Variants in NBN observed in about 807,000 individuals in gnomAD.
The protein encoded by NBN is nibrin.
NBN carries 88 observed loss-of-function variants against 90.8 expected under a neutral mutation model. That is an observed-to-expected ratio of 0.97 (90% confidence interval 0.82 to 1.16). The LOEUF (loss-of-function observed/expected upper bound fraction) is 1.16, where lower values mean the gene tolerates loss of function less well. Ranked by LOEUF, NBN falls within the 50% of genes most tolerant of loss-of-function variation. The pLI, the probability that NBN is intolerant of heterozygous loss-of-function variation, is 0.00. For missense variants in NBN, 894 were observed against 869.6 expected (o/e 1.03, Z -0.35); for synonymous variants, 328 against 295.1 (o/e 1.11, Z -1.14).
rs887130871 is a variant in NBN at position 89,980,615 on chromosome 8, T to A, written c.480+119A>T. ...TACAAAGGGATGGAGTGGGTATATA[T>A]AAATCTACAACTAACAGTTCTGATA... On this transcript the variant is annotated intron_variant, in intron 4 of 15. Transcript: ENST00000265433. The A allele has an allele frequency of 4.9e-6, 4 of 823,256 alleles. No homozygotes were observed. In the East Asian group the frequency reaches 1.0e-4, roughly 21 times the overall value. 51.0% of individuals were successfully genotyped at this position (823,256 alleles called of 1,614,324 possible). A position where few individuals can be genotyped will look rare whatever the true frequency, so the allele number is the denominator to read the frequency against.
At chr8:89,947,489 C>T (rs1464616487) in intron 12 of NBN, among the ~76,000 whole-genome samples, 2 of 151,808 alleles carry the variant, frequency 1.3e-5, no homozygotes, top group Non-Finnish European at 2.9e-5. Flanking sequence ...ATTAGTCGGG[C>T]GTGGTGGCAC....
At chr8:89,964,023 A>C (rs1206278752) in intron 8 of NBN, among the ~76,000 whole-genome samples, 1 of 152,142 alleles carries the variant, frequency 6.6e-6, no homozygotes, top group Admixed American at 6.6e-5. Flanking sequence ...ACATGGCTCA[A>C]ATGTCACCTC....
rs540310964 is a variant in NBN at position 89,961,999 on chromosome 8, A to T, written c.994+2411T>A. 9.2e-5 allele frequency among the ~76,000 whole-genome samples: 14 copies of T among 152,312 alleles called. No homozygotes were observed. The South Asian group carries it at 2.9e-3, about 32-fold the overall frequency. On this transcript the variant is annotated intron_variant, in intron 8 of 15. Transcript: ENST00000265433. ...AGTGAGAATTTCAGGTCTTGGTGAT[A>T]AAATGGAAAAGGAAGAATAAAAAAT... is the stretch of plus-strand genomic sequence containing the variant.
intron 4 of NBN, among the ~76,000 whole-genome samples, chr8:89,978,937 T>C (rs1811910797): frequency 6.6e-6 from 1 of 152,118 alleles, no homozygotes. Flanking sequence ...CATTAGAAAA[T>C]GCTACAGTGG....
At chr8:89,937,283 C>T (rs1022042552) in intron 14 of NBN, 1 of 563,940 alleles carries the variant, frequency 1.8e-6, no homozygotes. Flanking sequence ...TCTAACTAAA[C>T]AGCTTTCTCC....
At chr8:89,965,548 G>A (rs932814520) in intron 7 of NBN, among the ~76,000 whole-genome samples, 1 of 151,464 alleles carries the variant, frequency 6.6e-6, no homozygotes, top group Non-Finnish European at 1.5e-5. Flanking sequence ...GAGAGCAGTG[G>A]TGCAACCATG....
At chr8:89,937,552 CA>C (rs980519061) in intron 14 of NBN, among the ~76,000 whole-genome samples, 5 of 152,196 alleles carry the variant, frequency 3.3e-5, no homozygotes, top group African/African-American at 1.2e-4. Flanking sequence ...CTTTTAAATA[CA>C]AACTCACTAA....
Position 89,970,450 on chromosome 8 carries a change from A to C in NBN, c.810T>G (p.Val270=), listed in dbSNP as rs1431420897. ...HNFFLAPGTC[V]VDTGITNSQT... ...GTGAGTTTGTTATTCCTGTATCAAC[A>C]ACACACGTTCCCGGAGCCAAAAAGA... Residue 270 remains valine (V), a synonymous_variant, in exon 7 of 16, where the codon GTT becomes GTG. Coordinates refer to ENST00000265433, the MANE Select transcript of NBN (RefSeq NM_002485.5). 6.2e-7 allele frequency: 1 copy of C among 1,613,958 alleles called. No individual in the cohort carries two copies. Among genetic ancestry groups the C allele is most frequent in the Non-Finnish European group, 8.5e-7 (1 of 1,179,962 alleles).
chr8:89,964,165 T>C (rs990594897), intron 8 of NBN, among the ~76,000 whole-genome samples: 2 of 152,236 alleles, frequency 1.3e-5, no homozygotes, highest in African/African-American at 4.8e-5. Context: ...TACTAAATCT[T>C]GATCTTCAGA....
In NBN at chr8:89,965,833, T is replaced by C. The variant is rs1258636893; in HGVS notation, c.897-1326A>G. ...AGTTCGTAAGGTCTTTTTGAAATGC[T>C]TAATGTGTCTTTTTGTGTGTACTGA... On this transcript the variant is annotated intron_variant, in intron 7 of 15. Coordinates refer to ENST00000265433, the MANE Select transcript of NBN (RefSeq NM_002485.5). Among the ~76,000 whole-genome samples the C allele has an allele frequency of 2.0e-5, 3 of 152,186 alleles. No homozygotes were observed. In the South Asian group the frequency reaches 6.2e-4, roughly 32 times the overall value.
intron 1 of NBN, 193 bp downstream of exon 1, chr8:89,984,332 G>C (rs910720094): frequency 2.5e-5 from 16 of 648,466 alleles, no homozygotes; most frequent in Admixed American, 2.3e-4. Context: ...CGCCCGCGCT[G>C]AATTCCAGCT....
At chr8:89,952,560 A>C in intron 11 of NBN, among the ~76,000 whole-genome samples, 1 of 152,192 alleles carries the variant, frequency 6.6e-6, no homozygotes, top group East Asian at 1.9e-4. Context: ...ACTTCCGTTC[A>C]CTTAATCCTA....
chr8:89,967,516 T>G (rs769053854), intron 7 of NBN, among the ~76,000 whole-genome samples: 1 of 152,158 alleles, frequency 6.6e-6, no homozygotes, highest in Admixed American at 6.5e-5. Flanking sequence ...CATAAATCAA[T>G]GATGAGCATG....
intron 14 of NBN, among the ~76,000 whole-genome samples, chr8:89,941,054 C>T (rs1809920352): frequency 6.6e-6 from 1 of 151,926 alleles, no homozygotes; most frequent in Non-Finnish European, 1.5e-5. Context: ...CTAAGAAAAC[C>T]ACAGTGAATG....
At chr8:89,957,175 T>C (rs1017049175) in intron 9 of NBN, among the ~76,000 whole-genome samples, 1 of 152,200 alleles carries the variant, frequency 6.6e-6, no homozygotes, top group African/African-American at 2.4e-5. Context: ...ATTATTATCA[T>C]AGGAGATGAC....
At chr8:89,964,579 T>C in intron 7 of NBN, 72 bp from the exon 8 acceptor site, 3 of 1,425,810 alleles carry the variant, frequency 2.1e-6, no homozygotes, top group Non-Finnish European at 2.9e-6. Flanking sequence ...AATGTCAAGA[T>C]AAAGCAACCT....
At chr8:89,942,789 G>A (rs553101114) in intron 14 of NBN, among the ~76,000 whole-genome samples, 13 of 152,074 alleles carry the variant, frequency 8.5e-5, no homozygotes, top group Non-Finnish European at 1.6e-4. Flanking sequence ...TTTAACTTAC[G>A]TTAAGTTGGA....
intron 10 of NBN, 28 bp from the exon 11 acceptor site, chr8:89,953,719 A>G: frequency 1.3e-6 from 2 of 1,555,378 alleles, no homozygotes; most frequent in Non-Finnish European, 1.8e-6. Flanking sequence ...AGAAGAAAAC[A>G]AAACAAGAAA....
At chr8:89,951,432 G>A (rs1810446694) in intron 11 of NBN, among the ~76,000 whole-genome samples, 1 of 152,054 alleles carries the variant, frequency 6.6e-6, no homozygotes, top group South Asian at 2.1e-4. Flanking sequence ...TTCCAAAGGT[G>A]TGGCCAAAGT....
Sources: gnomAD v4.1 joint callset for allele counts (sites outside exome capture counted in the v4.1 genomes callset) on GRCh38, gnomAD v4.1.1 for gene constraint, MANE v1.5 for transcripts, NCBI Gene and HGNC (gene_info 2026-07-23, HGNC 2026-07-21) for gene names.